UHRF1: variants seen among roughly 807,000 people sequenced by gnomAD.
UHRF1 encodes ubiquitin like with PHD and ring finger domains 1, also known as E3 ubiquitin-protein ligase UHRF1.
UHRF1 carries 9 observed loss-of-function variants against 96.5 expected under a neutral mutation model. The ratio of observed to expected loss-of-function variants is 0.09; its 90% CI spans 0.06 to 0.16. UHRF1 has a LOEUF of 0.16. Among genes scored for constraint, UHRF1 ranks in the 10% least tolerant of loss-of-function variants. The pLI is 1.00. For missense variants in UHRF1, 626 were observed against 1,131.1 expected, an observed-to-expected ratio of 0.55 and a Z score of 6.40; for synonymous variants, 455 against 469.9, an observed-to-expected ratio of 0.97 and a Z score of 0.41.
At chr19:4,938,270 T>C (rs1273682278) in intron 5 of UHRF1, among the ~76,000 whole-genome samples, 1 of 152,116 alleles carries the variant, frequency 6.6e-6, no homozygotes, top group Non-Finnish European at 1.5e-5. Context: ...CTGGACTATC[T>C]GTTTCATCAT....
chr19:4,960,855 G>A lies in UHRF1; in HGVS notation c.*52G>A, dbSNP rs926900755. 51 of 1,013,428 alleles carry A rather than the reference G, an allele frequency of 5.0e-5. No homozygotes were observed. The highest frequency in any genetic ancestry group is 3.1e-4 in the Middle Eastern group (1 of 3,234). 62.8% of individuals were successfully genotyped at this position (1,013,428 alleles called of 1,614,324 possible). A position where few individuals can be genotyped will look rare whatever the true frequency, so the allele number is the denominator to read the frequency against. ...TTGCTGAAAACGTGTCGGAGGGCTC[G>A]TTCATCGGCACTGATTTTGTTCTTA... On this transcript the variant is annotated 3_prime_UTR_variant, in exon 17 of 17. Coordinates refer to ENST00000650932, the MANE Select transcript of UHRF1 (RefSeq NM_001048201.3).
upstream of UHRF1, among the ~76,000 whole-genome samples, chr19:4,905,052 C>T (rs1162238202): frequency 6.6e-6 from 1 of 151,848 alleles, no homozygotes; most frequent in Non-Finnish European, 1.5e-5. Flanking sequence ...ACCCCTGACC[C>T]ACGGGCCACA....
intron 1 of UHRF1, chr19:4,910,345 G>A (rs1229367536): frequency 6.6e-6 from 1 of 151,232 alleles, no homozygotes; most frequent in East Asian, 2.0e-4. Flanking sequence ...CGCGCGGGGG[G>A]GGCCGGCAAG....
chr19:4,927,247 G>A (rs1442014073), intron 2 of UHRF1, among the ~76,000 whole-genome samples: 5 of 151,798 alleles, frequency 3.3e-5, no homozygotes, highest in Non-Finnish European at 7.4e-5. Context: ...GGGTGTGATG[G>A]CTCATGCCTA....
intron 11 of UHRF1, among the ~76,000 whole-genome samples, chr19:4,947,489 T>C (rs865851749): frequency 7.8e-6 from 1 of 127,596 alleles, no homozygotes; most frequent in African/African-American, 3.0e-5. Context: ...ATAATAGATA[T>C]CTTTTTTTTT....
chr19:4,919,427 C>T (rs533069873), intron 2 of UHRF1, among the ~76,000 whole-genome samples: 15 of 151,972 alleles, frequency 9.9e-5, no homozygotes, highest in African/African-American at 3.1e-4. Context: ...CTCAGCCTCC[C>T]GAGTAGCTGG....
At chr19:4,944,278 G>A (rs1436926320) in intron 8 of UHRF1, 23 bp downstream of exon 8, 5 of 1,613,798 alleles carry the variant, frequency 3.1e-6, no homozygotes, top group Non-Finnish European at 4.2e-6. Context: ...CTTCCCACGT[G>A]CCCGTGGCCC....
chr19:4,941,388 T>C (rs1159022314), intron 5 of UHRF1, 140 bp from the exon 6 acceptor site: 2 of 646,552 alleles, frequency 3.1e-6, no homozygotes, highest in Non-Finnish European at 5.5e-6. Flanking sequence ...ATGTTGCTTC[T>C]GTGAGTGCAG....
At chr19:4,924,235 C>T (rs1352554673) in intron 2 of UHRF1, among the ~76,000 whole-genome samples, 4 of 152,056 alleles carry the variant, frequency 2.6e-5, no homozygotes, top group African/African-American at 7.2e-5. Flanking sequence ...CGGCAAGCTC[C>T]GCCCCCCGGG....
In UHRF1 at chr19:4,910,903, G is replaced by C. The variant is rs757923858; in HGVS notation, c.18G>C (p.Arg6=). MWIQV[R]TMDGRQTHTV... ...CCGACACCATGTGGATCCAGGTTCG[G>C]ACCATGGACGGGAGGCAGACCCACA... is the stretch of plus-strand genomic sequence containing the variant. Residue 6 remains arginine (R), a synonymous_variant, in exon 2 of 17, where the codon CGG becomes CGC. Coordinates refer to ENST00000650932, the MANE Select transcript of UHRF1 (RefSeq NM_001048201.3). The C allele has an allele frequency of 1.2e-6, 2 of 1,612,774 alleles. No individual in the cohort carries two copies. Among genetic ancestry groups the C allele is most frequent in the East Asian group, 4.5e-5 (2 of 44,836 alleles).
chr19:4,924,049 C>T (rs1387020304), intron 2 of UHRF1, among the ~76,000 whole-genome samples: 2 of 152,238 alleles, frequency 1.3e-5, no homozygotes, highest in Non-Finnish European at 2.9e-5. Context: ...TCACTGCAAC[C>T]TCCACCTCCC....
At chr19:4,952,387 C>T (rs954984520) in intron 13 of UHRF1, among the ~76,000 whole-genome samples, 3 of 141,374 alleles carry the variant, frequency 2.1e-5, no homozygotes, top group African/African-American at 8.0e-5. Flanking sequence ...AGCCACCGCT[C>T]CCAGCCTTTT....
At chr19:4,940,285 C>T (rs948205631) in intron 5 of UHRF1, among the ~76,000 whole-genome samples, 9 of 149,520 alleles carry the variant, frequency 6.0e-5, no homozygotes, top group Non-Finnish European at 1.3e-4. Context: ...GATTATTGAT[C>T]TCGGGGGATC....
intron 5 of UHRF1, among the ~76,000 whole-genome samples, chr19:4,933,362 T>C (rs1210159451): frequency 6.6e-6 from 1 of 152,068 alleles, no homozygotes; most frequent in Non-Finnish European, 1.5e-5. Flanking sequence ...ACTACAGGCG[T>C]CTACCACCAC....
intron 9 of UHRF1, 140 bp downstream of exon 9, chr19:4,944,590 G>C (rs924132642): frequency 1.1e-6 from 1 of 890,590 alleles, no homozygotes; most frequent in Admixed American, 2.3e-5. Context: ...GGTGTGGAAA[G>C]CCTGCAGGTT....
intron 5 of UHRF1, among the ~76,000 whole-genome samples, chr19:4,933,970 TGC>T (rs59787330): frequency 0.4 from 32,875 of 82,524 alleles, 4,684 homozygotes; most frequent in East Asian, 0.8. Context: ...TGTGTGTGTG[TGC>T]GTGTGTGTGT....
At position 4,932,797 on chromosome 19, in the gene UHRF1, G is replaced by A. The variant is rs1465381568; in HGVS notation, c.626G>A (p.Arg209His). ...MNSRDVRARA[R>H]TIIKWQDLEV... ...TCCAGGGACGTCCGAGCGCGCGCCC[G>A]CACCATCATCAAGTGGCAGGACCTG... is the stretch of plus-strand genomic sequence containing the variant. The change falls in exon 5 of 17, where the codon CGC (arginine) becomes CAC (histidine). Residue 209 changes from arginine (R) to histidine (H), a missense_variant. Transcript: ENST00000650932. The A allele has an allele frequency of 4.3e-6, 7 of 1,613,770 alleles. No homozygotes were observed. The highest frequency in any genetic ancestry group is 1.6e-4 in the Middle Eastern group (1 of 6,084).
chr19:4,939,907 C>T (rs1214996515), intron 5 of UHRF1, among the ~76,000 whole-genome samples: 1 of 151,862 alleles, frequency 6.6e-6, no homozygotes, highest in African/African-American at 2.4e-5. Flanking sequence ...GCCTATAGTG[C>T]CAGCTACTCA....
At chr19:4,947,045 A>C in intron 10 of UHRF1, 60 bp from the exon 11 acceptor site, 1 of 1,302,294 alleles carries the variant, frequency 7.7e-7, no homozygotes, top group Non-Finnish European at 1.1e-6. Context: ...CTTTCAATGC[A>C]GTCTCTTTTT....
Sources: allele counts gnomAD v4.1 joint callset (sites outside exome capture counted in the v4.1 genomes callset), GRCh38; gene constraint gnomAD v4.1.1; transcripts MANE v1.5; gene names NCBI Gene and HGNC (gene_info 2026-07-23, HGNC 2026-07-21).